The following BAG1 variants were observed in gnomAD, a reference collection of about 807,000 sequenced individuals.
BAG1 encodes the protein BAG family molecular chaperone regulator 1.
Under a neutral mutation model 35.5 loss-of-function variants are expected in BAG1, and 35 were observed. The ratio of observed to expected loss-of-function variants is 0.99; its 90% confidence interval spans 0.75 to 1.31. The LOEUF is 1.31. BAG1 is among the 50% of genes most tolerant of loss of function. The pLI, the probability that BAG1 is intolerant of heterozygous loss-of-function variation, is 0.00. For missense variants in BAG1, 464 were observed against 453.6 expected (o/e 1.02, Z -0.21); for synonymous variants, 191 against 178.9 (o/e 1.07, Z -0.54).
In BAG1 at chr9:33,264,637, T is replaced by G; in HGVS notation, c.38A>C (p.Asp13Ala). ...CAGCCGGGAACCCAGCCGCTCCCGG[T>G]CGCCTCGCGGTCTCCGCGCCCCCCC... Residue 13 changes from aspartate (D) to alanine (A), a missense_variant, in exon 1 of 7, where the codon GAC becomes GCC. Asp to Ala is a moderately radical substitution (Grantham distance 126). Coordinates refer to ENST00000634734, the MANE Select transcript of BAG1 (RefSeq NM_004323.6). 9 of 1,347,052 alleles carry G rather than the reference T, an allele frequency of 6.7e-6. No individual in the cohort carries two copies. Among genetic ancestry groups the G allele is most frequent in the Non-Finnish European group, 8.5e-6 (9 of 1,057,880 alleles). The allele number at this position is 1,347,052 out of a possible 1,614,324, so 83.4% of individuals were successfully genotyped here. A position where few individuals can be genotyped will look rare whatever the true frequency, so the allele number is the denominator to read the frequency against.
chr9:33,262,896 T>TGGAACCCC (rs1820608279), intron 1 of BAG1, 66 bp from the exon 2 acceptor site: 1 of 1,580,060 alleles, frequency 6.3e-7, no homozygotes, highest in African/African-American at 1.4e-5. Context: ...GGATGACACT[T>TGGAACCCC]TATCACATTT....
Position 33,263,689 on chromosome 9 carries a change from G to A in BAG1, c.451+535C>T, listed in dbSNP as rs184558803. On this transcript the variant is annotated intron_variant, in intron 1 of 6. Transcript: ENST00000634734. The stretch of plus-strand genomic sequence containing the variant: ...TGGGCCTCCCCTAGCTGGTTCTAGA[G>A]AAACCTCATGGACTCAGCTCTCCGG... 4.3e-3 allele frequency among the ~76,000 whole-genome samples: 654 copies of A among 152,272 alleles called. 3 individuals are homozygous for A. The highest frequency in any genetic ancestry group is 8.0e-3 in the Non-Finnish European group (543 of 68,014).
At chr9:33,261,019 A>G in intron 3 of BAG1, 68 bp downstream of exon 3, 3 of 1,386,564 alleles carry the variant, frequency 2.2e-6, no homozygotes, top group Non-Finnish European at 2.0e-6. Context: ...TGGTCTTCTA[A>G]ACAGAAACAT....
intron 6 of BAG1, among the ~76,000 whole-genome samples, 169 bp downstream of exon 6, chr9:33,255,696 A>G (rs1225633152): frequency 6.6e-6 from 1 of 152,234 alleles, no homozygotes; most frequent in Non-Finnish European, 1.5e-5. Flanking sequence ...ATATAATTAC[A>G]GGGACACAGG....
chr9:33,262,235 T>C (rs1271139881), intron 2 of BAG1: 5 of 1,282,674 alleles, frequency 3.9e-6, no homozygotes, highest in Non-Finnish European at 5.1e-6. Flanking sequence ...TCAATAAATA[T>C]CTGTTGAAGA....
In BAG1 at chr9:33,264,403, T is replaced by TCCTCG. The variant is rs770471036; in HGVS notation, c.267_271dup (p.Glu91AlafsTer4). The TCCTCG allele has an allele frequency of 1.5e-4, 235 of 1,601,352 alleles. 2 individuals are homozygous for TCCTCG. In the South Asian group the frequency reaches 2.5e-3, roughly 17 times the overall value. Reference sequence around the variant, plus strand: ...GGTCGCTTCCTCACTCAGGGTCAACTCCTCGCTCCGGGTCAACTCCTCGCT... The same window carrying TCCTCG: ...GGTCGCTTCCTCACTCAGGGTCAACTCCTCGCCTCGCTCCGGGTCAACTCCTCGCT... On this transcript the variant is annotated frameshift_variant, in exon 1 of 7. Transcript: ENST00000634734. LOFTEE classifies it high-confidence loss of function.
chr9:33,263,735 G>A (rs1033388492), intron 1 of BAG1, among the ~76,000 whole-genome samples: 3 of 151,900 alleles, frequency 2.0e-5, no homozygotes, highest in Admixed American at 6.6e-5. Context: ...TCATTTGGTG[G>A]TGTGTCAACT....
At position 33,256,117 on chromosome 9, in the gene BAG1, C is replaced by G. The variant is rs75506508; in HGVS notation, c.886-190G>C. 4.3e-3 allele frequency among the ~76,000 whole-genome samples: 651 copies of G among 152,318 alleles called. 2 individuals are homozygous for G. The highest frequency in any genetic ancestry group is 5.4e-3 in the Non-Finnish European group (367 of 68,030). On this transcript the variant is annotated intron_variant, in intron 5 of 6. Coordinates refer to ENST00000634734, the MANE Select transcript of BAG1 (RefSeq NM_004323.6). ...TGGGTCTGTATCCTGTATGGCCTTT[C>G]CATGGCTCTTGTCCCTATAAAAGCT...
intron 2 of BAG1, 22 bp from the exon 3 acceptor site, chr9:33,261,191 G>A: frequency 1.3e-6 from 2 of 1,549,604 alleles, no homozygotes; most frequent in South Asian, 1.2e-5. Flanking sequence ...AGAAAGGTAG[G>A]CCAAGTTGTA....
intron 5 of BAG1, 28 bp from the exon 6 acceptor site, chr9:33,255,955 G>A (rs1820444741): frequency 6.4e-7 from 1 of 1,572,202 alleles, no homozygotes; most frequent in Non-Finnish European, 8.8e-7. Flanking sequence ...GATAATACAA[G>A]TTAGTAAATA....
rs183807885 is a variant in BAG1 at position 33,257,111 on chromosome 9, C to A, written c.778-203G>T. 4.6e-5 allele frequency: 25 copies of A among 543,064 alleles called. No individual in the cohort carries two copies. In the South Asian group the frequency reaches 5.5e-4, roughly 12 times the overall value. The allele number at this position is 543,064 out of a possible 1,614,324, so 33.6% of individuals were successfully genotyped here. A position where few individuals can be genotyped will look rare whatever the true frequency, so the allele number is the denominator to read the frequency against. On this transcript the variant is annotated intron_variant, in intron 4 of 6. Coordinates refer to ENST00000634734, the MANE Select transcript of BAG1 (RefSeq NM_004323.6). The stretch of plus-strand genomic sequence containing the variant: ...AAGAATTCTATCAGGTTGCAGTCTG[C>A]TCTACCTCGCATGACCCACTGTGGC...
Position 33,255,262 on chromosome 9 carries a change from T to C in BAG1, c.995A>G (p.Glu332Gly). 1.2e-6 allele frequency: 2 copies of C among 1,614,210 alleles called. No individual in the cohort carries two copies. The highest frequency in any genetic ancestry group is 1.7e-6 in the Non-Finnish European group (2 of 1,180,032). Reference sequence around the variant, plus strand: ...GTTTGTAGACTGCAGCCGCTCAGTCTCCTGGCAGATGTTCTGCTCCACTGT... The same window carrying C: ...GTTTGTAGACTGCAGCCGCTCAGTCCCCTGGCAGATGTTCTGCTCCACTGT... Residue 332 changes from glutamate (E) to glycine (G), a missense_variant, in exon 7 of 7, where the codon GAG (glutamate) becomes GGG (glycine). By Grantham distance (98) the Glu-to-Gly change is moderately conservative. Transcript: ENST00000634734.
intron 2 of BAG1, 69 bp downstream of exon 2, chr9:33,262,633 G>A (rs557066903): frequency 1.4e-6 from 2 of 1,439,034 alleles, no homozygotes; most frequent in Non-Finnish European, 1.8e-6. Context: ...CTCCAGCCTG[G>A]GCGACAAGAG....
Position 33,258,981 on chromosome 9 carries a change from G to A in BAG1, c.716C>T (p.Ser239Phe), listed in dbSNP as rs748171397. The change falls in exon 4 of 7, where the codon TCT becomes TTT. Residue 239 changes from serine (S) to phenylalanine (F), a missense_variant. Ser to Phe is a radical substitution (Grantham distance 155). Transcript: ENST00000634734. ...CAGCTGGTCAGCTATCTTCTCCACA[G>A]ACTTCTCCAAATGTTTCAACTTCTT... The A allele has an allele frequency of 1.2e-6, 2 of 1,614,200 alleles. No individual in the cohort carries two copies. Among genetic ancestry groups the A allele is most frequent in the South Asian group, 2.2e-5 (2 of 91,084 alleles).
intron 2 of BAG1, chr9:33,261,993 G>C: frequency 8.4e-7 from 1 of 1,184,480 alleles, no homozygotes; most frequent in South Asian, 1.6e-5. Context: ...TTTTAACAGA[G>C]AAATCAGATG....
rs1321422456 is a variant in BAG1, at chr9:33,256,877, G to A, written c.809C>T (p.Ala270Val). Residue 270 changes from alanine to valine, a missense_variant, in exon 5 of 7, where the codon GCT (alanine) becomes GTT (valine). Physicochemically the swap from Ala to Val is moderately conservative, Grantham distance 64. Transcript: ENST00000634734. ...TACTCTCCTATCAAGTTTGCAGAGA[G>A]CTTCAGCTTGCAAATCCTTGGGCAG... 6.2e-7 allele frequency: 1 copy of A among 1,614,054 alleles called. No homozygotes were observed. The highest frequency in any genetic ancestry group is 8.5e-7 in the Non-Finnish European group (1 of 1,180,024).
In BAG1 at chr9:33,261,854, T is replaced by C. The variant is rs569470910; in HGVS notation, c.581-685A>G. 4 of 982,778 alleles carry C rather than the reference T, an allele frequency of 4.1e-6. No homozygotes were observed. The Admixed American group carries it at 2.5e-4, about 61-fold the overall frequency. The allele number at this position is 982,778 out of a possible 1,614,324, so 60.9% of individuals were successfully genotyped here. On this transcript the variant is annotated intron_variant, in intron 2 of 6. Transcript: ENST00000634734. ...AGGAGGGTGTGGGTCCTGGCAGAAA[T>C]GAGCATCATGCATCCACTGAGCCCG...
chr9:33,262,670 A>G (rs1390306617), intron 2 of BAG1, 32 bp downstream of exon 2: 25 of 1,557,028 alleles, frequency 1.6e-5, no homozygotes, highest in Non-Finnish European at 1.9e-5. Flanking sequence ...AAAAAAAAAA[A>G]GAAAAAGAAA....
chr9:33,262,119 C>T, intron 2 of BAG1: 1 of 1,289,504 alleles, frequency 7.8e-7, no homozygotes, highest in African/African-American at 1.5e-5. Context: ...CGAGGGAAGA[C>T]TGCCCATGAG....
Sources: gnomAD v4.1 joint callset for allele counts (sites outside exome capture counted in the v4.1 genomes callset) on GRCh38, gnomAD v4.1.1 for gene constraint, MANE v1.5 for transcripts, NCBI Gene and HGNC (gene_info 2026-07-23, HGNC 2026-07-21) for gene names.